The following BNC2 variants were observed in gnomAD, a reference collection of about 807,000 sequenced individuals.
BNC2 encodes the protein basonuclin zinc finger protein 2, also known as zinc finger protein basonuclin-2.
A neutral mutation model predicts 76.3 loss-of-function variants in BNC2; 20 were observed. That is an observed-to-expected ratio of 0.26 (90% confidence interval 0.18 to 0.38). The LOEUF is 0.38. Ranked by LOEUF, BNC2 falls within the 10% of genes least tolerant of loss-of-function variation. The pLI is 1.00. For synonymous variants in BNC2, 582 were observed against 514.8 expected, an observed-to-expected ratio of 1.13 and a Z score of -1.77; for missense variants, 1,382 against 1,399.8, an observed-to-expected ratio of 0.99 and a Z score of 0.20.
At chr9:16,608,817 T>C (rs1006102266) in intron 3 of BNC2, among the ~76,000 whole-genome samples, 5 of 152,234 alleles carry the variant, frequency 3.3e-5, no homozygotes, top group African/African-American at 1.2e-4. Context: ...GGCAGAAGCA[T>C]GCAAACTTGA....
intron 1 of BNC2, among the ~76,000 whole-genome samples, chr9:16,818,413 T>C (rs1818236143): frequency 6.6e-6 from 1 of 151,734 alleles, no homozygotes; most frequent in South Asian, 2.1e-4. Flanking sequence ...CAAAAAAAAA[T>C]TAAACCCAAA....
At chr9:16,774,517 G>A (rs1429811583) in intron 1 of BNC2, among the ~76,000 whole-genome samples, 5 of 152,092 alleles carry the variant, frequency 3.3e-5, no homozygotes, top group Non-Finnish European at 7.4e-5. Flanking sequence ...AAAGACATTT[G>A]GAATATCTAT....
intron 5 of BNC2, among the ~76,000 whole-genome samples, chr9:16,449,633 C>T (rs1451625906): frequency 6.6e-6 from 1 of 152,102 alleles, no homozygotes; most frequent in Non-Finnish European, 1.5e-5. Context: ...TACTGCATGT[C>T]ATCACTTAAA....
At chr9:16,464,251 G>A (rs1238124056) in intron 5 of BNC2, among the ~76,000 whole-genome samples, 1 of 152,082 alleles carries the variant, frequency 6.6e-6, no homozygotes, top group African/African-American at 2.4e-5. Flanking sequence ...CCAGGCTGAT[G>A]TTCAGACAAT....
Position 16,409,653 on chromosome 9 carries a change from T to C in BNC2, c.*9336A>G, listed in dbSNP as rs963495278. ...AAAGACATACTGTAGGCAGTTATAGTACAGAAAATACAACCAAAGTAACAG... is the reference window on the plus strand; with the variant it reads ...AAAGACATACTGTAGGCAGTTATAGCACAGAAAATACAACCAAAGTAACAG... On this transcript the variant is annotated 3_prime_UTR_variant, in exon 7 of 7. Coordinates refer to ENST00000380672, the MANE Select transcript of BNC2 (RefSeq NM_017637.6). 2 of 152,760 alleles carry C rather than the reference T, an allele frequency of 1.3e-5. No homozygotes were observed. The highest frequency in any genetic ancestry group is 1.9e-4 in the East Asian group (1 of 5,188). 9.5% of individuals were successfully genotyped at this position (152,760 alleles called of 1,614,324 possible). A position where few individuals can be genotyped will look rare whatever the true frequency, so the allele number is the denominator to read the frequency against.
chr9:16,779,875 G>T (rs568466358), intron 1 of BNC2, among the ~76,000 whole-genome samples: 16 of 152,130 alleles, frequency 1.1e-4, no homozygotes, highest in Admixed American at 2.0e-4. Context: ...AAGGGTACGG[G>T]TTTCTTTTCT....
At chr9:16,862,961 C>CT (rs1819448767) in intron 1 of BNC2, among the ~76,000 whole-genome samples, 1 of 150,054 alleles carries the variant, frequency 6.7e-6, no homozygotes, top group Non-Finnish European at 1.5e-5. Context: ...GTCGCTCAGG[C>CT]TAGAGTGCAG....
intron 3 of BNC2, among the ~76,000 whole-genome samples, chr9:16,659,523 G>C (rs376455313): frequency 2.0e-5 from 3 of 150,212 alleles, no homozygotes; most frequent in Non-Finnish European, 4.4e-5. Flanking sequence ...CAGGAGAATC[G>C]CTTGAACCCA....
chr9:16,839,925 A>T (rs117753415), intron 1 of BNC2, among the ~76,000 whole-genome samples: 3,743 of 152,324 alleles, frequency 0.025, 73 homozygotes, highest in Non-Finnish European at 0.039. Flanking sequence ...AAACTGCTAA[A>T]CTAATCCCAG....
At position 16,616,374 on chromosome 9, in the gene BNC2, G is replaced by A. The variant is rs983914376; in HGVS notation, c.331-33289C>T. ...ACCACTGCACTCCAGCCTGGGTGAC[G>A]GAGAGAGACCCTGTCTCGCAAAATA... On this transcript the variant is annotated intron_variant, in intron 3 of 6. Coordinates refer to ENST00000380672, the MANE Select transcript of BNC2 (RefSeq NM_017637.6). 4.7e-4 allele frequency among the ~76,000 whole-genome samples: 71 copies of A among 149,672 alleles called. 1 individual carries two copies. The highest frequency in any genetic ancestry group is 1.4e-3 in the African/African-American group (55 of 40,628).
At chr9:16,567,409 T>C (rs544028627) in intron 4 of BNC2, among the ~76,000 whole-genome samples, 1 of 152,298 alleles carries the variant, frequency 6.6e-6, no homozygotes, top group East Asian at 1.9e-4. Flanking sequence ...AAAATAGTGC[T>C]GGGGGTGGGT....
intron 5 of BNC2, 35 bp from the exon 6 acceptor site, chr9:16,437,559 C>A (rs755860377): frequency 6.2e-7 from 1 of 1,603,210 alleles, no homozygotes; most frequent in Non-Finnish European, 8.5e-7. Context: ...CAAAGACAAA[C>A]ACAAAAACTT....
At chr9:16,741,128 G>A (rs1824836411) in intron 1 of BNC2, among the ~76,000 whole-genome samples, 1 of 152,118 alleles carries the variant, frequency 6.6e-6, no homozygotes, top group African/African-American at 2.4e-5. Flanking sequence ...ATGATAGGAA[G>A]GAATCGAGGA....
chr9:16,695,150 C>T (rs559564403), intron 3 of BNC2, among the ~76,000 whole-genome samples: 1 of 152,144 alleles, frequency 6.6e-6, no homozygotes, highest in Non-Finnish European at 1.5e-5. Flanking sequence ...GCTTAGTGGA[C>T]AACAGAATGC....
intron 1 of BNC2, among the ~76,000 whole-genome samples, chr9:16,822,511 G>A (rs1256289891): frequency 1.3e-5 from 2 of 152,084 alleles, no homozygotes; most frequent in Non-Finnish European, 2.9e-5. Context: ...GTTTCCCCCA[G>A]TATGGCCTTT....
At chr9:16,587,282 T>C (rs1244231092) in intron 3 of BNC2, among the ~76,000 whole-genome samples, 1 of 150,300 alleles carries the variant, frequency 6.7e-6, no homozygotes, top group Non-Finnish European at 1.5e-5. Flanking sequence ...GGTGAGATCA[T>C]GGCTCACTGC....
chr9:16,725,784 CTTTA>C (rs1175538007), intron 3 of BNC2, among the ~76,000 whole-genome samples: 15 of 152,228 alleles, frequency 9.9e-5, no homozygotes, highest in South Asian at 4.1e-4. Flanking sequence ...ATTTATATTA[CTTTA>C]TTTGTTTTTT....
intron 1 of BNC2, among the ~76,000 whole-genome samples, chr9:16,838,375 A>T (rs1818753744): frequency 1.3e-5 from 2 of 152,104 alleles, no homozygotes; most frequent in African/African-American, 4.8e-5. Context: ...GCCAACATGG[A>T]GAAACCCCAT....
chr9:16,432,252 T>A (rs1820923150), intron 6 of BNC2, among the ~76,000 whole-genome samples: 1 of 152,202 alleles, frequency 6.6e-6, no homozygotes, highest in Non-Finnish European at 1.5e-5. Flanking sequence ...TCTTCAGCCC[T>A]AACAAATCTT....
Sources: allele counts gnomAD v4.1 joint callset (sites outside exome capture counted in the v4.1 genomes callset), GRCh38; gene constraint gnomAD v4.1.1; transcripts MANE v1.5; gene names NCBI Gene and HGNC (gene_info 2026-07-23, HGNC 2026-07-21).